DYNC1I1: variants seen among roughly 807,000 people sequenced by gnomAD.
The protein encoded by DYNC1I1 is cytoplasmic dynein 1 intermediate chain 1.
Under a neutral mutation model 86.6 loss-of-function variants are expected in DYNC1I1, and 43 were observed. The ratio of observed to expected loss-of-function variants is 0.50; its 90% CI spans 0.39 to 0.64. The LOEUF is 0.64. Among genes scored for constraint, DYNC1I1 ranks in the 30% least tolerant of loss-of-function variants. The pLI is 0.00. For missense variants in DYNC1I1, 604 were observed against 788.8 expected (o/e 0.77, Z 2.81); for synonymous variants, 262 against 283.7 (o/e 0.92, Z 0.77).
In DYNC1I1 at chr7:95,911,963, C is replaced by G. The variant is rs60381957; in HGVS notation, c.490+41965C>G. On this transcript the variant is annotated intron_variant, in intron 6 of 16. Coordinates refer to ENST00000447467, the MANE Select transcript of DYNC1I1 (RefSeq NM_001135556.2). ...CTAATCTGCAGGATGAATTCCCAAG[C>G]ACTCAAATTTGTGAACAGGTAATCC... Among the ~76,000 whole-genome samples the G allele has an allele frequency of 1.0e-2, 1,517 of 152,300 alleles. 25 individuals are homozygous for G. Among genetic ancestry groups the G allele is most frequent in the African/African-American group, 0.035 (1,475 of 41,566 alleles).
Position 95,813,321 on chromosome 7 carries a change from C to A in DYNC1I1, c.298C>A (p.Leu100Met). ...SEAGSQDSGD[L>M]GPLTRTLQWD... ...AGCTGGAAGCCAAGACTCAGGCGAT[C>A]TGGGGCCATTAACAAGGTAAGAATT... The change falls in exon 4 of 17, where the codon CTG becomes ATG. Residue 100 changes from leucine (L) to methionine (M), a missense_variant. By Grantham distance (15) the Leu-to-Met change is conservative (BLOSUM62 2). Coordinates refer to ENST00000447467, the MANE Select transcript of DYNC1I1 (RefSeq NM_001135556.2). The A allele has an allele frequency of 6.2e-7, 1 of 1,610,854 alleles. No homozygotes were observed. Among genetic ancestry groups the A allele is most frequent in the Non-Finnish European group, 8.5e-7 (1 of 1,179,204 alleles).
chr7:96,087,721 AAAGCATC>A (rs1473727215), intron 16 of DYNC1I1, among the ~76,000 whole-genome samples: 4 of 152,342 alleles, frequency 2.6e-5, no homozygotes, highest in African/African-American at 9.6e-5. Context: ...GCATAAGAAC[AAAGCATC>A]AAGCTTTTCA....
chr7:95,909,745 C>CT (rs1317343753), intron 6 of DYNC1I1, among the ~76,000 whole-genome samples: 1 of 152,132 alleles, frequency 6.6e-6, no homozygotes, highest in Non-Finnish European at 1.5e-5. Context: ...ATTTAAGCCA[C>CT]TTTGGTGTGA....
At chr7:95,993,348 A>T (rs1187690181) in intron 9 of DYNC1I1, among the ~76,000 whole-genome samples, 1 of 152,208 alleles carries the variant, frequency 6.6e-6, no homozygotes. Flanking sequence ...AATTTTAAAT[A>T]TTTTTAAATG....
At chr7:95,800,406 G>A (rs541986022) in intron 1 of DYNC1I1, among the ~76,000 whole-genome samples, 5 of 152,136 alleles carry the variant, frequency 3.3e-5, no homozygotes, top group Non-Finnish European at 7.3e-5. Context: ...CAAGGGCTAT[G>A]ATGTGGGGGT....
At chr7:95,927,879 C>T (rs1173675581) in intron 6 of DYNC1I1, among the ~76,000 whole-genome samples, 1 of 152,118 alleles carries the variant, frequency 6.6e-6, no homozygotes, top group African/African-American at 2.4e-5. Context: ...ATGTGGTTCA[C>T]GCTAGTTATT....
At chr7:95,806,278 T>C (rs1362709955) in intron 2 of DYNC1I1, among the ~76,000 whole-genome samples, 2 of 152,232 alleles carry the variant, frequency 1.3e-5, no homozygotes, top group African/African-American at 4.8e-5. Context: ...TTGAATGTCA[T>C]AAAATTACCA....
At chr7:95,823,952 C>CTACATA (rs1554393640) in intron 4 of DYNC1I1, among the ~76,000 whole-genome samples, 1 of 77,902 alleles carries the variant, frequency 1.3e-5, no homozygotes, top group Non-Finnish European at 2.2e-5. Flanking sequence ...TTCTACTAAA[C>CTACATA]TATATATATA....
chr7:95,993,962 G>T (rs1199508315), intron 9 of DYNC1I1, among the ~76,000 whole-genome samples: 1 of 152,136 alleles, frequency 6.6e-6, no homozygotes, highest in African/African-American at 2.4e-5. Context: ...TTCATGAAAT[G>T]TGTCCTAACT....
intron 1 of DYNC1I1, among the ~76,000 whole-genome samples, chr7:95,803,811 TGTTA>T (rs1794639347): frequency 6.6e-6 from 1 of 152,218 alleles, no homozygotes; most frequent in Non-Finnish European, 1.5e-5. Flanking sequence ...GTTTCCATTT[TGTTA>T]GTTTTCATTT....
At chr7:95,982,108 T>A (rs906138379) in intron 7 of DYNC1I1, among the ~76,000 whole-genome samples, 3 of 152,182 alleles carry the variant, frequency 2.0e-5, no homozygotes, top group African/African-American at 7.2e-5. Flanking sequence ...GAACAACACT[T>A]ATCAATTTAA....
intron 1 of DYNC1I1, among the ~76,000 whole-genome samples, chr7:95,774,850 A>G (rs551622770): frequency 3.3e-4 from 50 of 152,314 alleles, no homozygotes; most frequent in African/African-American, 1.2e-3. Flanking sequence ...TAGTACAGAC[A>G]GTGTGCACCG....
intron 6 of DYNC1I1, among the ~76,000 whole-genome samples, chr7:95,921,921 A>G (rs1008916070): frequency 2.0e-5 from 3 of 152,186 alleles, no homozygotes; most frequent in African/African-American, 7.2e-5. Context: ...TCTAGACTTG[A>G]GACAAAATAA....
intron 9 of DYNC1I1, among the ~76,000 whole-genome samples, chr7:95,992,470 A>G (rs1045741087): frequency 2.0e-5 from 3 of 152,132 alleles, no homozygotes; most frequent in African/African-American, 7.2e-5. Flanking sequence ...GGAATATGTT[A>G]TTTAACCCAG....
chr7:96,101,425 A>G (rs1157492488), downstream of DYNC1I1, among the ~76,000 whole-genome samples: 4 of 152,140 alleles, frequency 2.6e-5, no homozygotes, highest in African/African-American at 9.7e-5. Flanking sequence ...GAGGGAGGAC[A>G]CCAGGAGGGA....
chr7:95,906,403 A>C (rs1194839201), intron 6 of DYNC1I1, among the ~76,000 whole-genome samples: 2 of 152,208 alleles, frequency 1.3e-5, no homozygotes, highest in East Asian at 1.9e-4. Flanking sequence ...CTTGTCACAG[A>C]GTGAGAGGCT....
At chr7:95,846,495 C>CT (rs750088172) in intron 5 of DYNC1I1, among the ~76,000 whole-genome samples, 3 of 152,122 alleles carry the variant, frequency 2.0e-5, no homozygotes, top group Non-Finnish European at 4.4e-5. Flanking sequence ...CCTAAAATGA[C>CT]TTTTTAAATG....
At chr7:95,905,685 C>T (rs1439489737) in intron 6 of DYNC1I1, among the ~76,000 whole-genome samples, 1 of 151,720 alleles carries the variant, frequency 6.6e-6, no homozygotes, top group Non-Finnish European at 1.5e-5. Flanking sequence ...TCTACTAACG[C>T]CCCATTGTGT....
In DYNC1I1 at chr7:95,871,453, G is replaced by A. The variant is rs375861186; in HGVS notation, c.490+1455G>A. Among the ~76,000 whole-genome samples, 31 of 152,154 alleles carry A rather than the reference G, an allele frequency of 2.0e-4. 1 individual carries two copies. The highest frequency in any genetic ancestry group is 1.3e-3 in the Admixed American group (20 of 15,272). ...GCCTCCAGACAAGAACAGGAAGATC[G>A]TTAAAAAACATCCTCACCACCCAAC... On this transcript the variant is annotated intron_variant, in intron 6 of 16. Coordinates refer to ENST00000447467, the MANE Select transcript of DYNC1I1 (RefSeq NM_001135556.2).
Sources: allele counts gnomAD v4.1 joint callset (sites outside exome capture counted in the v4.1 genomes callset), GRCh38; gene constraint gnomAD v4.1.1; transcripts MANE v1.5; gene names NCBI Gene and HGNC (gene_info 2026-07-23, HGNC 2026-07-21).